Variants in DAB2IP observed in about 807,000 individuals in gnomAD.
DAB2IP encodes the protein disabled homolog 2-interacting protein.
A neutral mutation model predicts 107.2 loss-of-function variants in DAB2IP; 28 were observed. The ratio of observed to expected loss-of-function variants is 0.26; its 90% CI spans 0.19 to 0.36. DAB2IP has a LOEUF of 0.36. Among genes scored for constraint, DAB2IP ranks in the 10% least tolerant of loss-of-function variants. The pLI is 1.00. For synonymous variants in DAB2IP, 755 were observed against 706.4 expected, an observed-to-expected ratio of 1.07 and a Z score of -1.09; for missense variants, 1,400 against 1,644.7, an observed-to-expected ratio of 0.85 and a Z score of 2.57.
chr9:121,764,736 G>A (rs1055594302), intron 8 of DAB2IP, among the ~76,000 whole-genome samples: 1 of 152,088 alleles, frequency 6.6e-6, no homozygotes, highest in East Asian at 1.9e-4. Context: ...CTCTCTCCCC[G>A]GCCTTACCTC....
intron 1 of DAB2IP, among the ~76,000 whole-genome samples, chr9:121,667,192 A>G (rs988452139): frequency 9.2e-5 from 14 of 151,820 alleles, no homozygotes; most frequent in Non-Finnish European, 1.6e-4. Flanking sequence ...TTGTCTTTTT[A>G]GTAGAGACCA....
chr9:121,650,130 CT>C (rs993027697), upstream of DAB2IP, among the ~76,000 whole-genome samples: 5 of 152,336 alleles, frequency 3.3e-5, no homozygotes, highest in East Asian at 1.9e-4. Context: ...TTGGGCACCC[CT>C]GGCCTAACCC....
chr9:121,765,646 G>A (rs1834224158), intron 8 of DAB2IP, among the ~76,000 whole-genome samples: 1 of 152,230 alleles, frequency 6.6e-6, no homozygotes, highest in African/African-American at 2.4e-5. Context: ...AGATCACCCT[G>A]AGCTCATGGC....
At chr9:121,643,174 G>T (rs1251391238) in intron 1 of DAB2IP, among the ~76,000 whole-genome samples, 1 of 152,058 alleles carries the variant, frequency 6.6e-6, no homozygotes, top group African/African-American at 2.4e-5. Context: ...CAGGGATGCT[G>T]GGAGTGGGGC....
intron 1 of DAB2IP, among the ~76,000 whole-genome samples, chr9:121,592,987 G>A (rs1269222585): frequency 1.3e-5 from 2 of 152,192 alleles, no homozygotes; most frequent in Admixed American, 6.5e-5. Context: ...CAGGAGGAAA[G>A]AGCCCCAGAA....
chr9:121,574,932 G>T (rs1432806841), intron 1 of DAB2IP: 1 of 152,260 alleles, frequency 6.6e-6, no homozygotes, highest in Non-Finnish European at 1.5e-5. Flanking sequence ...GAACAAAGAG[G>T]CCAGCTCGGG....
chr9:121,567,262 G>A (rs751020175), intron 1 of DAB2IP: 24 of 1,613,692 alleles, frequency 1.5e-5, no homozygotes, highest in Non-Finnish European at 1.9e-5. Flanking sequence ...AGAGTTGGGG[G>A]TTTCAGCCTC....
At chr9:121,574,866 C>G (rs372183346) in intron 1 of DAB2IP, 2 of 152,194 alleles carry the variant, frequency 1.3e-5, no homozygotes, top group African/African-American at 4.8e-5. Flanking sequence ...CACACGCCCC[C>G]TCCCCTTGCC....
chr9:121,759,126 G>A (rs1032526333), intron 5 of DAB2IP, 130 bp downstream of exon 5: 19 of 853,778 alleles, frequency 2.2e-5, no homozygotes, highest in East Asian at 5.3e-5. Context: ...GGCAGGGCCC[G>A]AGTGGACAAT....
At chr9:121,767,150 C>T (rs1351752623) in intron 9 of DAB2IP, among the ~76,000 whole-genome samples, 1 of 152,228 alleles carries the variant, frequency 6.6e-6, no homozygotes, top group Non-Finnish European at 1.5e-5. Context: ...CACCACCATC[C>T]TGGTGTCAGG....
intron 1 of DAB2IP, among the ~76,000 whole-genome samples, chr9:121,661,624 C>G (rs1833208277): frequency 6.6e-6 from 1 of 152,162 alleles, no homozygotes; most frequent in African/African-American, 2.4e-5. Context: ...TGGAAGGTCC[C>G]CGGGAGACAG....
chr9:121,632,125 C>T lies in DAB2IP; in HGVS notation c.41-46553C>T, dbSNP rs535724685. On this transcript the variant is annotated intron_variant, in intron 1 of 16. Transcript: ENST00000259371. ...TCAGACCTCTGGGGCTGGGACTGAC[C>T]GCCTGGGTTTGAATTGTGGCCTCTG... 7.2e-5 allele frequency among the ~76,000 whole-genome samples: 11 copies of T among 152,242 alleles called. 1 individual carries two copies. Among genetic ancestry groups the T allele is most frequent in the South Asian group, 6.2e-4 (3 of 4,828 alleles).
At chr9:121,689,866 T>A (rs1202613388) in intron 2 of DAB2IP, among the ~76,000 whole-genome samples, 5 of 152,258 alleles carry the variant, frequency 3.3e-5, no homozygotes, top group Non-Finnish European at 5.9e-5. Flanking sequence ...GCAGGGAAAC[T>A]GAGTCACAGA....
rs762934955 is a variant in DAB2IP at position 121,635,138 on chromosome 9, C to T, written c.41-43540C>T. Among the ~76,000 whole-genome samples the T allele has an allele frequency of 6.6e-6, 1 of 152,162 alleles. No individual in the cohort carries two copies. The highest frequency in any genetic ancestry group is 2.4e-5 in the African/African-American group (1 of 41,438). On this transcript the variant is annotated intron_variant, in intron 1 of 16. Coordinates refer to the DAB2IP transcript ENST00000259371. The surrounding 1 kb of genome is among the most constrained non-coding windows in gnomAD (Gnocchi z 4.3). Reference sequence around the variant, plus strand: ...GAGGGGGCTGGAGAGGCCAGGCCTCCGTGTGGCCGGTCAATGCCTCAGGAG... The same window carrying T: ...GAGGGGGCTGGAGAGGCCAGGCCTCTGTGTGGCCGGTCAATGCCTCAGGAG...
intron 1 of DAB2IP, among the ~76,000 whole-genome samples, chr9:121,585,057 A>G (rs754965775): frequency 6.6e-6 from 1 of 152,118 alleles, no homozygotes; most frequent in Non-Finnish European, 1.5e-5. Context: ...GGCGCGTGCC[A>G]CTGTGCCCAG....
chr9:121,737,645 G>T (rs1424073284), intron 3 of DAB2IP: 2 of 985,328 alleles, frequency 2.0e-6, no homozygotes, highest in Non-Finnish European at 2.4e-6. Flanking sequence ...GCCAGATCTG[G>T]CTCCAGAGCC....
chr9:121,622,331 C>T (rs1011673301), intron 1 of DAB2IP, among the ~76,000 whole-genome samples: 3 of 152,164 alleles, frequency 2.0e-5, no homozygotes, highest in African/African-American at 4.8e-5. Flanking sequence ...TCCATAGAAG[C>T]AATACTTTTT....
At chr9:121,728,452 C>T (rs1405338368) in intron 3 of DAB2IP, among the ~76,000 whole-genome samples, 13 of 152,140 alleles carry the variant, frequency 8.5e-5, no homozygotes, top group African/African-American at 2.4e-5. Flanking sequence ...AATTTGGGCC[C>T]GTTCCTTAAC....
At chr9:121,722,376 G>T (rs1830987930) in intron 3 of DAB2IP, among the ~76,000 whole-genome samples, 1 of 152,288 alleles carries the variant, frequency 6.6e-6, no homozygotes, top group East Asian at 1.9e-4. Context: ...GCCAAAGCCT[G>T]TTTGGGTGTC....
Sources: gnomAD v4.1 joint callset for allele counts (sites outside exome capture counted in the v4.1 genomes callset) on GRCh38, gnomAD v4.1.1 for gene constraint, Gnocchi (gnomAD v3.1) non-coding constraint, MANE v1.5 for transcripts, NCBI Gene and HGNC (gene_info 2026-07-23, HGNC 2026-07-21) for gene names.